EPN2: variants seen among roughly 807,000 people sequenced by gnomAD.
The protein encoded by EPN2 is epsin-2.
A neutral mutation model predicts 61.7 loss-of-function variants in EPN2; 34 were observed. The observed-to-expected ratio is 0.55, with a 90% confidence interval of 0.42 to 0.73. EPN2 has a LOEUF of 0.73. Among genes scored for constraint, EPN2 ranks in the 30% least tolerant of loss-of-function variants. EPN2 has a pLI of 0.00. For synonymous variants in EPN2, 349 were observed against 353.6 expected, an observed-to-expected ratio of 0.99 and a Z score of 0.15; for missense variants, 714 against 839.2, an observed-to-expected ratio of 0.85 and a Z score of 1.84.
chr17:19,262,382 G>A (rs1404851562), intron 1 of EPN2, among the ~76,000 whole-genome samples: 1 of 152,162 alleles, frequency 6.6e-6, no homozygotes, highest in Non-Finnish European at 1.5e-5. Flanking sequence ...GGAGGCTGAG[G>A]CAGGAGAATC....
chr17:19,254,600 A>C (rs1345179010), intron 1 of EPN2, among the ~76,000 whole-genome samples: 1 of 152,120 alleles, frequency 6.6e-6, no homozygotes, highest in Non-Finnish European at 1.5e-5. Context: ...GTTAGTATGT[A>C]AGGGACTTAG....
intron 4 of EPN2, among the ~76,000 whole-genome samples, chr17:19,294,535 A>T (rs1041315362): frequency 6.6e-6 from 1 of 152,262 alleles, no homozygotes; most frequent in African/African-American, 2.4e-5. Flanking sequence ...TTTGTAGTAT[A>T]GGTAAACAAA....
At chr17:19,303,314 A>C (rs1236423893) in intron 4 of EPN2, among the ~76,000 whole-genome samples, 1 of 152,188 alleles carries the variant, frequency 6.6e-6, no homozygotes, top group Non-Finnish European at 1.5e-5. Context: ...CACATTTTTC[A>C]AGTTGTCTGA....
At chr17:19,277,062 C>T (rs902874467) in intron 1 of EPN2, among the ~76,000 whole-genome samples, 5 of 151,934 alleles carry the variant, frequency 3.3e-5, no homozygotes, top group African/African-American at 1.2e-4. Context: ...AGCGTGCAAA[C>T]TATGCGAAAA....
intron 1 of EPN2, among the ~76,000 whole-genome samples, chr17:19,257,047 A>G (rs1232888087): frequency 6.6e-6 from 1 of 152,240 alleles, no homozygotes; most frequent in East Asian, 1.9e-4. Flanking sequence ...GAAAATAGCA[A>G]GTCGCACAAG....
chr17:19,305,269 G>A (rs1598010851), intron 4 of EPN2, among the ~76,000 whole-genome samples: 1 of 151,972 alleles, frequency 6.6e-6, no homozygotes, highest in Admixed American at 6.6e-5. Flanking sequence ...CTACAGGCAC[G>A]TGCCACCACA....
At chr17:19,307,008 A>G (rs1905877508) in intron 4 of EPN2, among the ~76,000 whole-genome samples, 1 of 152,196 alleles carries the variant, frequency 6.6e-6, no homozygotes, top group African/African-American at 2.4e-5. Context: ...GTCCCCAGGA[A>G]CTGTCTGGCT....
chr17:19,260,466 G>A (rs1213180292), intron 1 of EPN2, among the ~76,000 whole-genome samples: 1 of 152,182 alleles, frequency 6.6e-6, no homozygotes, highest in African/African-American at 2.4e-5. Context: ...AGCTTCACAG[G>A]TCTTGGTAAT....
intron 4 of EPN2, among the ~76,000 whole-genome samples, chr17:19,306,696 C>T (rs1000597019): frequency 6.6e-6 from 1 of 152,220 alleles, no homozygotes; most frequent in African/African-American, 2.4e-5. Flanking sequence ...TGCCCACTCT[C>T]CCCCTCCAAC....
intron 4 of EPN2, among the ~76,000 whole-genome samples, chr17:19,307,252 C>G (rs952376771): frequency 2.0e-5 from 3 of 152,082 alleles, no homozygotes; most frequent in Admixed American, 2.0e-4. Context: ...AGTGATAACA[C>G]TAGGATGGGA....
intron 1 of EPN2, among the ~76,000 whole-genome samples, chr17:19,241,584 C>CAAA (rs767439856): frequency 3.3e-5 from 2 of 60,066 alleles, no homozygotes; most frequent in African/African-American, 6.7e-5. Flanking sequence ...GACTCTGTCT[C>CAAA]AAAAAAAAAA....
intron 1 of EPN2, among the ~76,000 whole-genome samples, chr17:19,261,440 C>T (rs2152208052): frequency 6.6e-6 from 1 of 152,282 alleles, no homozygotes; most frequent in Non-Finnish European, 1.5e-5. Flanking sequence ...TTCTCAATTT[C>T]TGAAGGTGTT....
At chr17:19,319,393 C>T (rs528120849) in intron 7 of EPN2, among the ~76,000 whole-genome samples, 33 of 151,182 alleles carry the variant, frequency 2.2e-4, no homozygotes, top group Middle Eastern at 3.5e-3. Context: ...GGCGCAATCT[C>T]GGCTCACTGC....
In EPN2 at chr17:19,336,273, G is replaced by T; in HGVS notation, c.*2019G>T. Reference sequence around the variant, plus strand: ...CGGGGGAAGGGTGGGGAGGTGCAATGGGATGGGAGGCAGGATGCTTGCCCA... The same window carrying T: ...CGGGGGAAGGGTGGGGAGGTGCAATTGGATGGGAGGCAGGATGCTTGCCCA... On this transcript the variant is annotated 3_prime_UTR_variant, in exon 11 of 11. Coordinates refer to ENST00000314728, the MANE Select transcript of EPN2 (RefSeq NM_014964.5). The T allele has an allele frequency of 6.6e-6, 1 of 152,282 alleles. No individual in the cohort carries two copies. The allele number at this position is 152,282 out of a possible 1,614,324, so 9.4% of individuals were successfully genotyped here.
chr17:19,304,133 A>C (rs1229074191), intron 4 of EPN2, among the ~76,000 whole-genome samples: 4 of 151,810 alleles, frequency 2.6e-5, no homozygotes, highest in Non-Finnish European at 5.9e-5. Flanking sequence ...ACCTGGTGTA[A>C]TCTGAACTTA....
At chr17:19,298,752 A>G (rs994132317) in intron 4 of EPN2, among the ~76,000 whole-genome samples, 1 of 152,234 alleles carries the variant, frequency 6.6e-6, no homozygotes, top group Non-Finnish European at 1.5e-5. Context: ...GGACGTAACC[A>G]TAGTGCTTCT....
chr17:19,239,640 G>C (rs1330537740), intron 1 of EPN2, among the ~76,000 whole-genome samples: 1 of 152,160 alleles, frequency 6.6e-6, no homozygotes, highest in Non-Finnish European at 1.5e-5. Flanking sequence ...TCAGGACTGC[G>C]TCCCACAAGT....
rs768548945 is a variant in EPN2, at chr17:19,328,763, C to T, written c.1200C>T (p.Thr400=). 140 of 1,613,452 alleles carry T rather than the reference C, an allele frequency of 8.7e-5. No individual in the cohort carries two copies. The highest frequency in any genetic ancestry group is 6.7e-5 in the East Asian group (3 of 44,846). The change falls in exon 8 of 11, where the codon ACC becomes ACT. Residue 400 remains threonine (T), a synonymous_variant. Transcript: ENST00000314728. ...CATGGGGGGTGCCCACTGGAGCCAC[C>T]GTACAATCTGTCCCCAAGAACTCGG... is the stretch of plus-strand genomic sequence containing the variant. ...IDPWGVPTGA[T]VQSVPKNSDP...
intron 4 of EPN2, among the ~76,000 whole-genome samples, chr17:19,289,446 G>A (rs1265121611): frequency 6.6e-6 from 1 of 152,072 alleles, no homozygotes; most frequent in African/African-American, 2.4e-5. Context: ...CAGAGTGAGA[G>A]GGGAGCTGAG....
Sources: allele counts gnomAD v4.1 joint callset (sites outside exome capture counted in the v4.1 genomes callset), GRCh38; gene constraint gnomAD v4.1.1; transcripts MANE v1.5; gene names NCBI Gene and HGNC (gene_info 2026-07-23, HGNC 2026-07-21).